PICALM: variants seen among roughly 807,000 people sequenced by gnomAD.
The protein encoded by PICALM is phosphatidylinositol binding clathrin assembly protein.
In PICALM, 40 loss-of-function variants were observed where a neutral mutation model predicts 80.5. The ratio of observed to expected loss-of-function variants is 0.50; its 90% CI spans 0.39 to 0.65. PICALM has a LOEUF of 0.65. Among genes scored for constraint, PICALM ranks in the 30% least tolerant of loss-of-function variants. PICALM has a pLI of 0.00. For synonymous variants in PICALM, 288 were observed against 260.3 expected (o/e 1.11, Z -1.02); for missense variants, 676 against 778.9 (o/e 0.87, Z 1.57).
chr11:86,026,093 G>A (rs1187722795), intron 3 of PICALM, among the ~76,000 whole-genome samples, 199 bp downstream of exon 3: 12 of 152,024 alleles, frequency 7.9e-5, no homozygotes, highest in East Asian at 3.8e-4. Flanking sequence ...TCTGTACTCC[G>A]TCTCAGAGAG....
chr11:85,964,095 C>CA, intron 19 of PICALM, among the ~76,000 whole-genome samples: 1 of 152,072 alleles, frequency 6.6e-6, no homozygotes, highest in East Asian at 1.9e-4. Flanking sequence ...CTCCTGTTAA[C>CA]ATCAAACAAA....
rs578113850 is a variant in PICALM, at chr11:86,017,898, ATG to A, written c.453-2937_453-2936del. 7.2e-5 allele frequency among the ~76,000 whole-genome samples: 11 copies of A among 152,352 alleles called. 1 individual carries two copies. The South Asian group carries it at 2.3e-3, about 32-fold the overall frequency. On this transcript the variant is annotated intron_variant, in intron 4 of 19. Transcript: ENST00000393346. The stretch of plus-strand genomic sequence containing the variant: ...CCACTCTCAAATGGTTCAGAAAAAA[ATG>A]TGTGTGTGCGCCTGTGTGAATATAC...
chr11:85,983,433 T>C (rs1473206459), intron 14 of PICALM, among the ~76,000 whole-genome samples: 1 of 152,272 alleles, frequency 6.6e-6, no homozygotes, highest in Non-Finnish European at 1.5e-5. Context: ...TAATTGTTTA[T>C]ACACAGACTA....
chr11:86,027,224 A>G (rs2095662490), intron 2 of PICALM, among the ~76,000 whole-genome samples: 2 of 152,214 alleles, frequency 1.3e-5, no homozygotes, highest in Non-Finnish European at 1.5e-5. Flanking sequence ...GCATAAGTAT[A>G]TGAGTATATG....
At chr11:85,963,814 T>C (rs893652831) in intron 19 of PICALM, among the ~76,000 whole-genome samples, 1 of 151,300 alleles carries the variant, frequency 6.6e-6, no homozygotes, top group Non-Finnish European at 1.5e-5. Flanking sequence ...TGTAGTGTAG[T>C]GGCGCAGTCA....
chr11:85,962,682 C>G (rs145068961), intron 19 of PICALM, among the ~76,000 whole-genome samples: 2 of 152,294 alleles, frequency 1.3e-5, no homozygotes, highest in Admixed American at 1.3e-4. Flanking sequence ...AACACATACA[C>G]GTCTCATATC....
rs1348438259 is a variant in PICALM at position 85,990,275 on chromosome 11, C to T, written c.1383G>A (p.Arg461=). The T allele has an allele frequency of 1.2e-6, 2 of 1,603,128 alleles. No individual in the cohort carries two copies. Among genetic ancestry groups the T allele is most frequent in the African/African-American group, 2.7e-5 (2 of 74,696 alleles). ...CAACAAACATTTCATGAGTAGGTGT[C>T]CTAGTAGTAAAAGTAGATACATCTG... The part of the protein sequence containing the change: ...ISSDVSTFTT[R]TPTHEMFVGF... Residue 461 remains arginine (R), a synonymous_variant, in exon 13 of 20, where the codon AGG becomes AGA. Transcript: ENST00000393346.
intron 1 of PICALM, among the ~76,000 whole-genome samples, chr11:86,058,253 C>G (rs916620017): frequency 6.6e-6 from 1 of 152,170 alleles, no homozygotes; most frequent in Non-Finnish European, 1.5e-5. Context: ...CACACCCCCA[C>G]AAAGATGACC....
intron 19 of PICALM, among the ~76,000 whole-genome samples, chr11:85,961,251 A>C (rs2135281565): frequency 6.6e-6 from 1 of 152,224 alleles, no homozygotes; most frequent in South Asian, 2.1e-4. Context: ...TTTCTTCATA[A>C]GGGTCGAAAA....
intron 13 of PICALM, 59 bp downstream of exon 13, chr11:85,990,191 T>G (rs2135896332): frequency 1.1e-6 from 1 of 938,966 alleles, no homozygotes; most frequent in African/African-American, 1.6e-5. Context: ...AATGGACACG[T>G]AAAATATAGT....
At chr11:86,032,525 C>G (rs1198896034) in intron 1 of PICALM, among the ~76,000 whole-genome samples, 1 of 152,096 alleles carries the variant, frequency 6.6e-6, no homozygotes, top group Admixed American at 6.5e-5. Flanking sequence ...ACTCAGGAGG[C>G]TGAGGCAGGA....
intron 4 of PICALM, among the ~76,000 whole-genome samples, chr11:86,016,457 T>C (rs1270984629): frequency 6.6e-6 from 1 of 152,222 alleles, no homozygotes; most frequent in Non-Finnish European, 1.5e-5. Flanking sequence ...ACTACCCACA[T>C]TGATCCTTTC....
rs567922203 is a variant in PICALM at position 86,035,356 on chromosome 11, G to T, written c.131-3745C>A. 5.3e-5 allele frequency among the ~76,000 whole-genome samples: 8 copies of T among 152,222 alleles called. No individual in the cohort carries two copies. In the South Asian group the frequency reaches 1.7e-3, roughly 32 times the overall value. ...AGCAAGTCAGGCAACCCAGCCAGTG[G>T]CCTGTGCCATCAGAATGCAGAGTTC... On this transcript the variant is annotated intron_variant, in intron 1 of 19. Transcript: ENST00000393346.
intron 11 of PICALM, among the ~76,000 whole-genome samples, chr11:85,998,961 T>G (rs1159352967): frequency 6.6e-6 from 1 of 152,166 alleles, no homozygotes; most frequent in African/African-American, 2.4e-5. Flanking sequence ...AAATAGAATG[T>G]TTTTCTTTTT....
rs896106734 is a variant in PICALM, at chr11:85,957,546, A to G, written c.*1500T>C. The G allele has an allele frequency of 5.4e-6, 1 of 185,500 alleles. No homozygotes were observed. Among genetic ancestry groups the G allele is most frequent in the Non-Finnish European group, 1.1e-5 (1 of 87,668 alleles). The allele number at this position is 185,500 out of a possible 1,614,324, so 11.5% of individuals were successfully genotyped here. A position where few individuals can be genotyped will look rare whatever the true frequency, so the allele number is the denominator to read the frequency against. The stretch of plus-strand genomic sequence containing the variant: ...GAGACATCTTTTTGAAAATTCATAT[A>G]AAACAAACCTTCCATGTTATTAGAT... On this transcript the variant is annotated 3_prime_UTR_variant, in exon 20 of 20. Coordinates refer to ENST00000393346, the MANE Select transcript of PICALM (RefSeq NM_007166.4).
At chr11:86,020,547 C>T (rs562247373) in intron 4 of PICALM, among the ~76,000 whole-genome samples, 1 of 151,704 alleles carries the variant, frequency 6.6e-6, no homozygotes, top group South Asian at 2.1e-4. Flanking sequence ...TACAGATCAA[C>T]AGAACAGAAC....
chr11:86,038,576 T>C (rs2095884988), intron 1 of PICALM, among the ~76,000 whole-genome samples: 5 of 149,304 alleles, frequency 3.3e-5, no homozygotes, highest in Admixed American at 3.3e-4. Flanking sequence ...AGGTCAGGAG[T>C]TCAAGACCAG....
intron 4 of PICALM, among the ~76,000 whole-genome samples, chr11:86,018,979 A>C (rs1047734366): frequency 2.0e-5 from 3 of 152,106 alleles, no homozygotes; most frequent in African/African-American, 7.2e-5. Context: ...AGCAGCCTTC[A>C]AAGAATCTGA....
intron 1 of PICALM, among the ~76,000 whole-genome samples, chr11:86,057,386 A>G (rs533971416): frequency 6.6e-6 from 1 of 152,216 alleles, no homozygotes; most frequent in East Asian, 1.9e-4. Context: ...TAAAAATACA[A>G]AAATTAGCTG....
Sources: gnomAD v4.1 joint callset for allele counts (sites outside exome capture counted in the v4.1 genomes callset) on GRCh38, gnomAD v4.1.1 for gene constraint, MANE v1.5 for transcripts, NCBI Gene and HGNC (gene_info 2026-07-23, HGNC 2026-07-21) for gene names.